PRG3: variants seen among roughly 807,000 people sequenced by gnomAD.
The protein encoded by PRG3 is proteoglycan 3.
PRG3 carries 25 observed loss-of-function variants against 26.1 expected under a neutral mutation model. That is an observed-to-expected ratio of 0.96 (90% CI 0.70 to 1.34). PRG3 has a LOEUF of 1.34. PRG3 is among the 40% of genes most tolerant of loss of function. The pLI, the probability that PRG3 is intolerant of heterozygous loss-of-function variation, is 0.00. For missense variants in PRG3, 280 were observed against 264.8 expected (o/e 1.06, Z -0.40); for synonymous variants, 111 against 100.4 (o/e 1.11, Z -0.63).
chr11:57,380,516 A>G, intron 2 of PRG3, 132 bp downstream of exon 2: 1 of 685,652 alleles, frequency 1.5e-6, no homozygotes, highest in South Asian at 2.0e-5. Flanking sequence ...ATCTTACCGG[A>G]GATGAGCTGT....
intron 3 of PRG3, 78 bp from the exon 4 acceptor site, chr11:57,378,890 C>G (rs566965759): frequency 6.4e-7 from 1 of 1,564,986 alleles, no homozygotes; most frequent in Admixed American, 1.7e-5. Flanking sequence ...GCCCGGCATC[C>G]CTTTTCAGGT....
At chr11:57,379,828 G>T in intron 2 of PRG3, 21 bp from the exon 3 acceptor site, 1 of 1,585,608 alleles carries the variant, frequency 6.3e-7, no homozygotes. Flanking sequence ...GAGGTAACCT[G>T]CCATCAGGTC....
chr11:57,380,927 ATTTGTC>A (rs1349703059), intron 1 of PRG3, 146 bp from the exon 2 acceptor site: 2 of 430,506 alleles, frequency 4.6e-6, no homozygotes, highest in Non-Finnish European at 8.1e-6. Context: ...ACCAAATTTC[ATTTGTC>A]TTCCAGTCTC....
intron 4 of PRG3, 87 bp downstream of exon 4, chr11:57,378,594 T>A: frequency 6.5e-7 from 1 of 1,534,246 alleles, no homozygotes; most frequent in South Asian, 1.2e-5. Context: ...AAACCTTAGC[T>A]GCTGGCCTGA....
chr11:57,379,111 C>T (rs1200153702), intron 3 of PRG3, among the ~76,000 whole-genome samples: 2 of 152,198 alleles, frequency 1.3e-5, no homozygotes, highest in African/African-American at 4.8e-5. Flanking sequence ...TATATATCTT[C>T]GTTTTACAAA....
intron 4 of PRG3, among the ~76,000 whole-genome samples, chr11:57,378,104 G>T (rs1477602899): frequency 3.3e-5 from 5 of 152,250 alleles, no homozygotes; most frequent in Non-Finnish European, 7.4e-5. Flanking sequence ...CTGTGGTGGG[G>T]TCCAAGATTC....
rs1856979103 is a variant in PRG3, at chr11:57,379,665, G to A, written c.204C>T (p.Ala68=). ...QAEGEEVKAS[A]CQDNFEDEEA... is the part of the protein sequence containing the mutation. ...CCTCATCCTCAAAGTTGTCTTGACA[G>A]GCAGAAGCCTTGACCTCCTCTCCCT... The change falls in exon 3 of 6, where the codon GCC becomes GCT. Residue 68 remains alanine, a synonymous_variant. Coordinates refer to ENST00000287143, the MANE Select transcript of PRG3 (RefSeq NM_006093.4). 6.2e-7 allele frequency: 1 copy of A among 1,613,964 alleles called. No homozygotes were observed. The highest frequency in any genetic ancestry group is 8.5e-7 in the Non-Finnish European group (1 of 1,180,038).
chr11:57,378,847 A>G (rs1297265439), intron 3 of PRG3, 35 bp from the exon 4 acceptor site: 8 of 1,608,876 alleles, frequency 5.0e-6, no homozygotes, highest in African/African-American at 1.3e-5. Context: ...ATTCCCTCTC[A>G]TTTATTTCAA....
At chr11:57,378,611 G>A (rs1427833968) in intron 4 of PRG3, 70 bp downstream of exon 4, 14 of 1,572,654 alleles carry the variant, frequency 8.9e-6, no homozygotes, top group African/African-American at 5.4e-5. Context: ...CTGAGGCTTG[G>A]CACCATCAGA....
chr11:57,379,482 C>G lies in PRG3; in HGVS notation c.375+12G>C, dbSNP rs2134464128. On this transcript the variant is annotated intron_variant, in intron 3 of 5. Coordinates refer to ENST00000287143, the MANE Select transcript of PRG3 (RefSeq NM_006093.4). ...CCCCCAGGTCCTCCGCAGTAGCCTC[C>G]CTACTACTTACCTGAGCTTCTGCAA... 5.0e-6 allele frequency: 8 copies of G among 1,596,976 alleles called. No homozygotes were observed. The highest frequency in any genetic ancestry group is 6.8e-6 in the Non-Finnish European group (8 of 1,170,144).
At chr11:57,379,969 C>T (rs899254409) in intron 2 of PRG3, among the ~76,000 whole-genome samples, 162 bp from the exon 3 acceptor site, 14 of 152,150 alleles carry the variant, frequency 9.2e-5, no homozygotes, top group Non-Finnish European at 1.6e-4. Context: ...CGGGTCACAC[C>T]CACAAATGGA....
Position 57,379,755 on chromosome 11 carries a change from C to T in PRG3, c.114G>A (p.Gln38=). The change falls in exon 3 of 6, where the codon CAG becomes CAA. Residue 38 remains glutamine, a synonymous_variant. Transcript: ENST00000287143. ...CCTGCTCCTTTGAACTATCCAGATC[C>T]TGGCCTAGGTCTGCCTGTGTCTCTA... ...ESLETQADLG[Q]DLDSSKEQER... 1 of 1,613,950 alleles carries T rather than the reference C, an allele frequency of 6.2e-7. No individual in the cohort carries two copies. The highest frequency in any genetic ancestry group is 1.7e-5 in the Admixed American group (1 of 60,030).
At chr11:57,379,962 G>A (rs576288247) in intron 2 of PRG3, among the ~76,000 whole-genome samples, 155 bp from the exon 3 acceptor site, 2 of 152,288 alleles carry the variant, frequency 1.3e-5, no homozygotes, top group South Asian at 2.1e-4. Context: ...GATCTCTCGG[G>A]TCACACCCAC....
rs757294040 is a variant in PRG3 at position 57,376,840 on chromosome 11, T to A, written c.*10A>T. ...GAGGGAGCTGCTGGCAGGGTCTCCG[T>A]GCCGCTGGCTTAGAAGGAGCAGACG... On this transcript the variant is annotated 3_prime_UTR_variant, in exon 6 of 6. Coordinates refer to ENST00000287143, the MANE Select transcript of PRG3 (RefSeq NM_006093.4). The A allele has an allele frequency of 2.5e-6, 4 of 1,612,466 alleles. No individual in the cohort carries two copies. The highest frequency in any genetic ancestry group is 3.4e-6 in the Non-Finnish European group (4 of 1,179,824).
At chr11:57,377,219 G>A (rs1487228975) in intron 5 of PRG3, among the ~76,000 whole-genome samples, 1 of 152,180 alleles carries the variant, frequency 6.6e-6, no homozygotes, top group African/African-American at 2.4e-5. Context: ...GATAAACAAC[G>A]TGCCTGTATC....
In PRG3 at chr11:57,379,537, C is replaced by A. The variant is rs779423526; in HGVS notation, c.332G>T (p.Arg111Leu). Reference sequence around the variant, plus strand: ...TTTAGGAGTCCGCACCAATAGGTAGCGGCAGATCTTGCACCTTGGACTTCC... The same window carrying A: ...TTTAGGAGTCCGCACCAATAGGTAGAGGCAGATCTTGCACCTTGGACTTCC... ...VQGSPRCKIC[R>L]YLLVRTPKTF... Residue 111 changes from arginine (R) to leucine (L), a missense_variant, in exon 3 of 6, where the codon CGC (arginine) becomes CTC (leucine). Transcript: ENST00000287143. 4.3e-6 allele frequency: 7 copies of A among 1,613,306 alleles called. No homozygotes were observed. The highest frequency in any genetic ancestry group is 4.5e-5 in the East Asian group (2 of 44,878).
chr11:57,380,893 A>C, intron 1 of PRG3, 112 bp from the exon 2 acceptor site: 1 of 472,440 alleles, frequency 2.1e-6, no homozygotes, highest in Middle Eastern at 4.9e-4. Flanking sequence ...CTAGAAAAGG[A>C]ATGGTGGGAG....
Position 57,378,672 on chromosome 11 carries a change from C to G in PRG3, c.507+9G>C. ...ACTTACTGCACCCAAGATTTGGCCCCTGACTTACCCAGCCCCTGAGGTTGC... is the reference window on the plus strand; with the variant it reads ...ACTTACTGCACCCAAGATTTGGCCCGTGACTTACCCAGCCCCTGAGGTTGC... On this transcript the variant is annotated intron_variant, in intron 4 of 5. Transcript: ENST00000287143. 6.2e-7 allele frequency: 1 copy of G among 1,611,956 alleles called. No individual in the cohort carries two copies. The highest frequency in any genetic ancestry group is 2.2e-5 in the East Asian group (1 of 44,846).
Position 57,380,798 on chromosome 11 carries a change from A to G in PRG3, c.-73-17T>C. On this transcript the variant is annotated splice_polypyrimidine_tract_variant and intron_variant, in intron 1 of 5. Coordinates refer to ENST00000287143, the MANE Select transcript of PRG3 (RefSeq NM_006093.4). ...GTATAGCCCCTGGCACATAGTATAG[A>G]GGGAATATTTGTTTAATTGTTTGAT... The G allele has an allele frequency of 1.1e-6, 1 of 896,642 alleles. No homozygotes were observed. The allele number at this position is 896,642 out of a possible 1,614,324, so 55.5% of individuals were successfully genotyped here.
Sources: gnomAD v4.1 joint callset for allele counts (sites outside exome capture counted in the v4.1 genomes callset) on GRCh38, gnomAD v4.1.1 for gene constraint, MANE v1.5 for transcripts, NCBI Gene and HGNC (gene_info 2026-07-23, HGNC 2026-07-21) for gene names.